The following AKAP19 variants were observed in gnomAD, a reference collection of about 807,000 sequenced individuals.
AKAP19 encodes the protein small A-kinase anchoring protein.
At chr2:190,073,277 C>G in the AKAP19 span, among the ~76,000 whole-genome samples, 4 of 152,094 alleles carry the variant, frequency 2.6e-5, no homozygotes, top group African/African-American at 9.7e-5. Flanking sequence ...GTGGAATACT[C>G]TGAAAAGTGC....
At chr2:190,014,946 G>A in the AKAP19 span, among the ~76,000 whole-genome samples, 3 of 152,326 alleles carry the variant, frequency 2.0e-5, no homozygotes, top group East Asian at 5.8e-4. Context: ...GATGCAATGG[G>A]TGGGCTCCCA....
At chr2:189,910,282 A>T in the AKAP19 span, among the ~76,000 whole-genome samples, 10 of 152,104 alleles carry the variant, frequency 6.6e-5, no homozygotes, top group African/African-American at 2.4e-4. Flanking sequence ...ACGTGGTTTT[A>T]GGAACTAGTT....
At chr2:190,038,901 T>TTTCTTTCTTCTTCTTCTTCTTCTTC in the AKAP19 span, among the ~76,000 whole-genome samples, 4 of 46,024 alleles carry the variant, frequency 8.7e-5, no homozygotes, top group Non-Finnish European at 9.1e-5. Flanking sequence ...TCTTTCTTTC[T>TTTCTTTCTTCTTCTTCTTCTTCTTC]TTCTTCTTCT....
chr2:190,013,179 G>A, the AKAP19 span, among the ~76,000 whole-genome samples: 45 of 152,140 alleles, frequency 3.0e-4, no homozygotes, highest in Non-Finnish European at 5.7e-4. Context: ...ACTTTAAGAA[G>A]GATATGTATT....
the AKAP19 span, among the ~76,000 whole-genome samples, chr2:189,993,847 C>T: frequency 1.1e-4 from 16 of 152,032 alleles, no homozygotes; most frequent in South Asian, 2.3e-3. Context: ...TGGGGTTGGT[C>T]GTAATACCTC....
chr2:189,982,864 C>T, the AKAP19 span, among the ~76,000 whole-genome samples: 2 of 151,986 alleles, frequency 1.3e-5, no homozygotes, highest in Non-Finnish European at 2.9e-5. Flanking sequence ...GACATATGAG[C>T]CAACGTACTG....
At chr2:190,006,386 G>A in the AKAP19 span, among the ~76,000 whole-genome samples, 18 of 152,330 alleles carry the variant, frequency 1.2e-4, no homozygotes, top group African/African-American at 3.1e-4. Context: ...GGTGGCTCAC[G>A]CCTGTAATCC....
At chr2:190,182,519 T>A in the AKAP19 span, among the ~76,000 whole-genome samples, 1 of 152,272 alleles carries the variant, frequency 6.6e-6, no homozygotes, top group East Asian at 1.9e-4. Context: ...AGGATTAAAT[T>A]AATAATATTA....
At chr2:190,040,975 C>T in the AKAP19 span, among the ~76,000 whole-genome samples, 1 of 152,058 alleles carries the variant, frequency 6.6e-6, no homozygotes, top group East Asian at 1.9e-4. Flanking sequence ...CCATTTTGTT[C>T]TTTTTGCTTA....
At chr2:189,935,875 A>G in the AKAP19 span, among the ~76,000 whole-genome samples, 1 of 152,124 alleles carries the variant, frequency 6.6e-6, no homozygotes, top group Non-Finnish European at 1.5e-5. Context: ...CATATAATAA[A>G]TGAAAACCCT....
At chr2:189,938,246 G>A in the AKAP19 span, among the ~76,000 whole-genome samples, 1 of 151,002 alleles carries the variant, frequency 6.6e-6, no homozygotes, top group Non-Finnish European at 1.5e-5. Flanking sequence ...TGAGGCAGGA[G>A]AATAGCTTGA....
At chr2:190,106,551 C>T in the AKAP19 span, among the ~76,000 whole-genome samples, 1 of 152,166 alleles carries the variant, frequency 6.6e-6, no homozygotes, top group East Asian at 1.9e-4. Flanking sequence ...TCTTAAATTC[C>T]TGGCCTCTCT....
At chr2:190,196,367 T>C in the AKAP19 span, among the ~76,000 whole-genome samples, 2 of 152,194 alleles carry the variant, frequency 1.3e-5, no homozygotes, top group African/African-American at 2.4e-5. Context: ...TTTCACATCT[T>C]GTACATTTCA....
At chr2:190,090,405 A>G in the AKAP19 span, among the ~76,000 whole-genome samples, 1 of 152,182 alleles carries the variant, frequency 6.6e-6, no homozygotes, top group South Asian at 2.1e-4. Context: ...CCATGCCTCA[A>G]ACAGTGCCAT....
chr2:189,937,523 C>G, the AKAP19 span, among the ~76,000 whole-genome samples: 18 of 151,752 alleles, frequency 1.2e-4, no homozygotes, highest in African/African-American at 4.4e-4. Context: ...TTTGTAGAAT[C>G]ACAGGGAAAT....
the AKAP19 span, among the ~76,000 whole-genome samples, chr2:190,051,309 T>C: frequency 2.6e-5 from 4 of 152,160 alleles, no homozygotes; most frequent in African/African-American, 9.7e-5. Flanking sequence ...GAAGAGAATA[T>C]ATGAGGGCCA....
the AKAP19 span, among the ~76,000 whole-genome samples, chr2:190,051,822 T>TTTTATTTATTTA: frequency 2.7e-4 from 40 of 149,658 alleles, 1 homozygote; most frequent in East Asian, 1.0e-3. Context: ...TTTTTTTATT[T>TTTTATTTATTTA]TTTATTTATT....
chr2:190,070,446 T>TA, the AKAP19 span, among the ~76,000 whole-genome samples: 1,386 of 142,210 alleles, frequency 9.7e-3, 54 homozygotes, highest in East Asian at 0.15. Flanking sequence ...ACTTATAGTT[T>TA]AAAAAAAAAA....
At chr2:190,094,448 G>A in the AKAP19 span, among the ~76,000 whole-genome samples, 5 of 152,252 alleles carry the variant, frequency 3.3e-5, no homozygotes, top group African/African-American at 7.2e-5. Context: ...AAAAAAGGCC[G>A]TGATTGAAAC....
Sources: allele counts gnomAD v4.1 joint callset (sites outside exome capture counted in the v4.1 genomes callset), GRCh38; gene constraint gnomAD v4.1.1; transcripts MANE v1.5; gene names NCBI Gene and HGNC (gene_info 2026-07-23, HGNC 2026-07-21).